HCRTR2: variants seen among roughly 807,000 people sequenced by gnomAD.
HCRTR2 encodes orexin receptor type 2.
A neutral mutation model predicts 49.0 loss-of-function variants in HCRTR2; 22 were observed. That is an observed-to-expected ratio of 0.45 (90% CI 0.32 to 0.64). The LOEUF is 0.64. Ranked by LOEUF, HCRTR2 falls within the 30% of genes least tolerant of loss-of-function variation. The pLI is 0.04. For synonymous variants in HCRTR2, 236 were observed against 205.3 expected (o/e 1.15, Z -1.28); for missense variants, 491 against 559.4 (o/e 0.88, Z 1.23).
intron 1 of HCRTR2, among the ~76,000 whole-genome samples, chr6:55,109,040 G>T (rs1447205880): frequency 6.6e-6 from 1 of 152,054 alleles, no homozygotes; most frequent in African/African-American, 2.4e-5. Flanking sequence ...TGGTATCCAC[G>T]GCTGAGGGAC....
chr6:55,245,657 T>G (rs529397896), intron 1 of HCRTR2, among the ~76,000 whole-genome samples: 1 of 151,408 alleles, frequency 6.6e-6, no homozygotes, highest in African/African-American at 2.4e-5. Flanking sequence ...GATAGCTCAC[T>G]TAGAGCTATT....
chr6:55,180,965 A>ATTTTT lies in HCRTR2; in HGVS notation c.223+6166_223+6170dup, dbSNP rs11441768. ...CAGGCACATGCCACCATGCCCAGCT[A>ATTTTT]TTTTTTTTTTTTTTTGTATTTTTAG... On this transcript the variant is annotated intron_variant, in intron 1 of 6. Coordinates refer to ENST00000370862, the MANE Select transcript of HCRTR2 (RefSeq NM_001384272.1). Among the ~76,000 whole-genome samples, 275 of 139,354 alleles carry ATTTTT rather than the reference A, an allele frequency of 2.0e-3. 1 individual carries two copies. The highest frequency in any genetic ancestry group is 3.4e-3 in the Non-Finnish European group (220 of 64,998). 91.4% of individuals were successfully genotyped at this position (139,354 alleles called of 152,430 possible). A position where few individuals can be genotyped will look rare whatever the true frequency, so the allele number is the denominator to read the frequency against.
At chr6:55,154,610 A>T (rs1285692335) in intron 1 of HCRTR2, among the ~76,000 whole-genome samples, 2 of 151,846 alleles carry the variant, frequency 1.3e-5, no homozygotes, top group Non-Finnish European at 3.0e-5. Flanking sequence ...TCAAGAACAA[A>T]GCAAGGATGC....
intron 1 of HCRTR2, among the ~76,000 whole-genome samples, chr6:55,243,197 G>A (rs957674815): frequency 6.6e-6 from 1 of 152,122 alleles, no homozygotes; most frequent in African/African-American, 2.4e-5. Flanking sequence ...CATGTTAGAG[G>A]TGGAATTCAA....
chr6:55,200,711 TTAG>T (rs1226134605), intron 1 of HCRTR2, among the ~76,000 whole-genome samples: 1 of 152,308 alleles, frequency 6.6e-6, no homozygotes, highest in East Asian at 1.9e-4. Context: ...GACAAGACAA[TTAG>T]TAGAATTTTG....
At chr6:55,183,638 A>G (rs560520033) in intron 1 of HCRTR2, among the ~76,000 whole-genome samples, 6 of 152,178 alleles carry the variant, frequency 3.9e-5, no homozygotes, top group Non-Finnish European at 5.9e-5. Flanking sequence ...ACATGAGGGG[A>G]AAGACTAGTG....
chr6:55,180,965 A>ATTTTTTTTTTTT (rs11441768), intron 1 of HCRTR2, among the ~76,000 whole-genome samples: 1 of 139,356 alleles, frequency 7.2e-6, no homozygotes, highest in Non-Finnish European at 1.5e-5. Flanking sequence ...ATGCCCAGCT[A>ATTTTTTTTTTTT]TTTTTTTTTT....
chr6:55,178,413 A>G (rs772869414), intron 1 of HCRTR2, among the ~76,000 whole-genome samples: 1 of 152,128 alleles, frequency 6.6e-6, no homozygotes, highest in Non-Finnish European at 1.5e-5. Context: ...ATTTTTTTAT[A>G]ATTACAAATT....
rs199723305 is a variant in HCRTR2 at position 55,282,476 on chromosome 6, G to C, written c.*22G>C. 1 of 1,261,578 alleles carries C rather than the reference G, an allele frequency of 7.9e-7. No individual in the cohort carries two copies. Among genetic ancestry groups the C allele is most frequent in the East Asian group, 2.4e-5 (1 of 42,262 alleles). 78.1% of individuals were successfully genotyped at this position (1,261,578 alleles called of 1,614,324 possible). On this transcript the variant is annotated 3_prime_UTR_variant, in exon 7 of 7. Coordinates refer to ENST00000370862, the MANE Select transcript of HCRTR2 (RefSeq NM_001384272.1). The stretch of plus-strand genomic sequence containing the variant: ...GTAGAATATTTATTCATATGACAAG[G>C]ATACCTGAGTAAAACTATCCTTTTT...
chr6:55,270,491 A>T (rs1160983088), intron 4 of HCRTR2, among the ~76,000 whole-genome samples: 1 of 152,190 alleles, frequency 6.6e-6, no homozygotes. Context: ...CATGTAGTAC[A>T]GGTTAAGCAT....
chr6:55,199,663 G>A (rs757942653), intron 1 of HCRTR2, among the ~76,000 whole-genome samples: 15 of 151,930 alleles, frequency 9.9e-5, no homozygotes, highest in Middle Eastern at 3.4e-3. Context: ...TCTCTTATGC[G>A]TACTTCAAAA....
At chr6:55,187,568 G>A (rs4537141) in intron 1 of HCRTR2, among the ~76,000 whole-genome samples, 151,781 of 152,054 alleles carry the variant, frequency 1, 75,755 homozygotes, top group Non-Finnish European at 1. Flanking sequence ...TTTACAGAAT[G>A]GGCTTCTTGG....
chr6:55,204,639 G>GA (rs1314736313), intron 1 of HCRTR2, among the ~76,000 whole-genome samples: 3 of 152,118 alleles, frequency 2.0e-5, no homozygotes, highest in African/African-American at 4.8e-5. Context: ...AGGTTTGGTG[G>GA]AAAAATGGAT....
At chr6:55,115,243 A>G (rs995419524) in intron 1 of HCRTR2, among the ~76,000 whole-genome samples, 6 of 151,642 alleles carry the variant, frequency 4.0e-5, no homozygotes, top group African/African-American at 1.5e-4. Context: ...TACTTATTCA[A>G]TTTTGACTCT....
At chr6:55,143,012 A>T (rs1031536131) in intron 1 of HCRTR2, among the ~76,000 whole-genome samples, 8 of 151,746 alleles carry the variant, frequency 5.3e-5, no homozygotes, top group Non-Finnish European at 1.2e-4. Context: ...AGATAGACAG[A>T]CAGACAGATA....
intron 1 of HCRTR2, among the ~76,000 whole-genome samples, chr6:55,143,442 T>A (rs1270746807): frequency 6.6e-6 from 1 of 152,184 alleles, no homozygotes; most frequent in Non-Finnish European, 1.5e-5. Context: ...CCCTGCAAGA[T>A]TAAAACAAAA....
At chr6:55,252,375 C>T (rs1371461430) in intron 2 of HCRTR2, among the ~76,000 whole-genome samples, 1 of 152,060 alleles carries the variant, frequency 6.6e-6, no homozygotes, top group African/African-American at 2.4e-5. Flanking sequence ...TACATCTATC[C>T]CATTTATCCA....
intron 1 of HCRTR2, among the ~76,000 whole-genome samples, chr6:55,183,539 G>C (rs570418069): frequency 6.6e-6 from 1 of 152,144 alleles, no homozygotes; most frequent in Non-Finnish European, 1.5e-5. Flanking sequence ...TGTTGTTTAG[G>C]GGGAGCTGTT....
chr6:55,138,974 T>C (rs187228408), intron 1 of HCRTR2, among the ~76,000 whole-genome samples: 3 of 151,864 alleles, frequency 2.0e-5, no homozygotes, highest in Admixed American at 6.6e-5. Flanking sequence ...CTCTGAGGAG[T>C]TGGTAGTAAG....
Sources: gnomAD v4.1 joint callset for allele counts (sites outside exome capture counted in the v4.1 genomes callset) on GRCh38, gnomAD v4.1.1 for gene constraint, MANE v1.5 for transcripts, NCBI Gene and HGNC (gene_info 2026-07-23, HGNC 2026-07-21) for gene names.